NLGN4X: variants seen among roughly 807,000 people sequenced by gnomAD.
The protein encoded by NLGN4X is neuroligin-4, X-linked.
Under a neutral mutation model 40.3 loss-of-function variants are expected in NLGN4X, and 3 were observed. The ratio of observed to expected loss-of-function variants is 0.07; its 90% CI spans 0.03 to 0.19. NLGN4X has a LOEUF of 0.19. Ranked by LOEUF, NLGN4X falls within the 10% of genes least tolerant of loss-of-function variation. The pLI is 1.00. For missense variants in NLGN4X, 382 were observed against 708.3 expected, an observed-to-expected ratio of 0.54 and a Z score of 5.23; for synonymous variants, 270 against 306.8, an observed-to-expected ratio of 0.88 and a Z score of 1.25.
At chrX:6,022,692 G>T (rs2036587452) in intron 3 of NLGN4X, among the ~76,000 whole-genome samples, 1 of 111,329 alleles carries the variant, frequency 9.0e-6, no homozygotes, top group Non-Finnish European at 1.9e-5. Flanking sequence ...TTTGTTGAGT[G>T]GAATATTACA....
In NLGN4X at chrX:6,098,904, T is replaced by G. The variant is rs775736524; in HGVS notation, c.472+52091A>C. Among the ~76,000 whole-genome samples the G allele has an allele frequency of 2.7e-5, 3 of 112,575 alleles. No individual in the cohort carries two copies. In the South Asian group the frequency reaches 1.1e-3, roughly 41 times the overall value. ...CATGTATTTCAGTTTGTAATTATAC[T>G]TGTGGGTGATCTGATGATTATTTTT... On this transcript the variant is annotated intron_variant, in intron 2 of 5. Coordinates refer to ENST00000381095, the MANE Select transcript of NLGN4X (RefSeq NM_181332.3).
intron 1 of NLGN4X, among the ~76,000 whole-genome samples, chrX:6,207,965 T>C (rs1924183856): frequency 8.9e-6 from 1 of 112,117 alleles, no homozygotes; most frequent in African/African-American, 3.2e-5. Context: ...GCCACATAAA[T>C]TCATCTCATA....
chrX:6,086,769 C>T (rs998259894), intron 2 of NLGN4X, among the ~76,000 whole-genome samples: 1 of 111,007 alleles, frequency 9.0e-6, no homozygotes. Flanking sequence ...GTAGCTGAGA[C>T]CACAGGCCTG....
At chrX:6,028,603 G>C (rs1031380563) in intron 3 of NLGN4X, among the ~76,000 whole-genome samples, 3 of 108,250 alleles carry the variant, frequency 2.8e-5, no homozygotes, top group Non-Finnish European at 5.7e-5. Context: ...AGGTTGTAGT[G>C]AGCCAAGATC....
At chrX:6,221,504 A>G (rs1299040787) in intron 1 of NLGN4X, among the ~76,000 whole-genome samples, 2 of 103,249 alleles carry the variant, frequency 1.9e-5, no homozygotes, top group African/African-American at 7.1e-5. Flanking sequence ...TTAATGTGTT[A>G]GCATATGCAT....
chrX:6,024,063 G>C (rs2036620648), intron 3 of NLGN4X, among the ~76,000 whole-genome samples: 1 of 112,233 alleles, frequency 8.9e-6, no homozygotes, highest in South Asian at 3.8e-4. Flanking sequence ...ATGGAGAAAA[G>C]AGTATTTATT....
intron 1 of NLGN4X, among the ~76,000 whole-genome samples, chrX:6,158,726 C>T (rs1231399232): frequency 9.0e-6 from 1 of 111,464 alleles, no homozygotes; most frequent in Non-Finnish European, 1.9e-5. Flanking sequence ...TGGTTTGCTG[C>T]ACAAATCAAC....
chrX:5,983,890 G>A (rs1242233919), intron 3 of NLGN4X, among the ~76,000 whole-genome samples: 8 of 112,053 alleles, frequency 7.1e-5, no homozygotes, highest in Non-Finnish European at 1.5e-4. Flanking sequence ...AAGCTACAGT[G>A]AGCTATGATT....
At position 6,211,614 on chromosome X, in the gene NLGN4X, T is replaced by C. The variant is rs764671821; in HGVS notation, c.-306+16927A>G. On this transcript the variant is annotated intron_variant, in intron 1 of 5. Transcript: ENST00000381095. ...GATACAAAAATAGATATGATTAAGATATAGATAAGAATAGATACTGTTATT... is the reference window on the plus strand; with the variant it reads ...GATACAAAAATAGATATGATTAAGACATAGATAAGAATAGATACTGTTATT... Among the ~76,000 whole-genome samples, 7 of 111,603 alleles carry C rather than the reference T, an allele frequency of 6.3e-5. No homozygotes were observed. In the South Asian group the frequency reaches 2.7e-3, roughly 42 times the overall value.
At chrX:5,896,527 C>T (rs975929740) in intron 5 of NLGN4X, among the ~76,000 whole-genome samples, 2 of 111,900 alleles carry the variant, frequency 1.8e-5, no homozygotes, top group Non-Finnish European at 3.8e-5. Flanking sequence ...ACAAGTTGGT[C>T]TCTCTAGTAA....
chrX:5,954,156 C>T (rs983267121), intron 3 of NLGN4X, among the ~76,000 whole-genome samples: 1 of 111,145 alleles, frequency 9.0e-6, no homozygotes. Flanking sequence ...AGGAGAAAAA[C>T]AATCAAGTTT....
At chrX:5,920,541 C>G (rs1389774360) in intron 3 of NLGN4X, among the ~76,000 whole-genome samples, 1 of 111,711 alleles carries the variant, frequency 9.0e-6, no homozygotes, top group Non-Finnish European at 1.9e-5. Flanking sequence ...ATCTTCTGGA[C>G]ACATGTTGTC....
chrX:5,962,564 G>C (rs1041751109), intron 3 of NLGN4X, among the ~76,000 whole-genome samples: 10 of 112,458 alleles, frequency 8.9e-5, no homozygotes, highest in African/African-American at 3.2e-4. Context: ...AATCAAAACA[G>C]TAGAAGAGTT....
At chrX:6,070,122 T>C (rs890123961) in intron 2 of NLGN4X, among the ~76,000 whole-genome samples, 5 of 111,058 alleles carry the variant, frequency 4.5e-5, no homozygotes, top group African/African-American at 1.6e-4. Context: ...AATTCATAAA[T>C]CTACTACAAC....
intron 3 of NLGN4X, among the ~76,000 whole-genome samples, chrX:5,927,497 G>T (rs949588979): frequency 8.9e-6 from 1 of 112,463 alleles, no homozygotes; most frequent in African/African-American, 3.2e-5. Context: ...CTAACAGATG[G>T]ATGGTATAAG....
chrX:6,171,354 T>C (rs1169995199), intron 1 of NLGN4X, among the ~76,000 whole-genome samples: 1 of 112,129 alleles, frequency 8.9e-6, no homozygotes, highest in Non-Finnish European at 1.9e-5. Flanking sequence ...AAATGGCTCA[T>C]TTCCTTTTCT....
chrX:6,095,013 G>A (rs1456034812), intron 2 of NLGN4X, among the ~76,000 whole-genome samples: 2 of 109,368 alleles, frequency 1.8e-5, no homozygotes, highest in Non-Finnish European at 3.8e-5. Flanking sequence ...TTGCACATTG[G>A]AAATCCTGCT....
At chrX:6,091,634 A>G (rs2038642864) in intron 2 of NLGN4X, among the ~76,000 whole-genome samples, 1 of 111,968 alleles carries the variant, frequency 8.9e-6, no homozygotes, top group Non-Finnish European at 1.9e-5. Flanking sequence ...TTTTCTTCTC[A>G]GCCTCCTATT....
At chrX:6,155,689 T>C (rs1317282961) in intron 1 of NLGN4X, among the ~76,000 whole-genome samples, 1 of 112,640 alleles carries the variant, frequency 8.9e-6, no homozygotes, top group African/African-American at 3.2e-5. Flanking sequence ...TTTCCCCTCC[T>C]ACATAAAGGA....
Sources: allele counts gnomAD v4.1 joint callset (sites outside exome capture counted in the v4.1 genomes callset), GRCh38; gene constraint gnomAD v4.1.1; transcripts MANE v1.5; gene names NCBI Gene and HGNC (gene_info 2026-07-23, HGNC 2026-07-21).